Variants in ABHD10 observed in about 807,000 individuals in gnomAD.
ABHD10 encodes abhydrolase domain containing 10, depalmitoylase.
ABHD10 carries 22 observed loss-of-function variants against 33.1 expected under a neutral mutation model. That is an observed-to-expected ratio of 0.66 (90% CI 0.47 to 0.95). ABHD10 has a LOEUF of 0.95. Among genes scored for constraint, ABHD10 ranks in the 40% least tolerant of loss-of-function variants. The pLI is 0.00. For missense variants in ABHD10, 352 were observed against 379.9 expected, an observed-to-expected ratio of 0.93 and a Z score of 0.61; for synonymous variants, 146 against 133.9, an observed-to-expected ratio of 1.09 and a Z score of -0.62.
In ABHD10 at chr3:111,991,549, A is replaced by T; in HGVS notation, c.749A>T (p.Asp250Val). ...AGATTGCTCCATGGCATGAAGGATG[A>T]CATTGTACCTTGGCATACATCAATG... Reference protein sequence around the residue: ...PIRLLHGMKDDIVPWHTSMQV... With the variant: ...PIRLLHGMKDVIVPWHTSMQV... Residue 250 changes from aspartate to valine, a missense_variant, in exon 5 of 5, where the codon GAC becomes GTC. Physicochemically the swap from Asp to Val is radical, Grantham distance 152. Transcript: ENST00000273359. The T allele has an allele frequency of 6.2e-7, 1 of 1,614,158 alleles. No homozygotes were observed. Among genetic ancestry groups the T allele is most frequent in the Non-Finnish European group, 8.5e-7 (1 of 1,180,004 alleles).
At chr3:111,985,768 A>G (rs2072649316) in intron 2 of ABHD10, among the ~76,000 whole-genome samples, 1 of 145,344 alleles carries the variant, frequency 6.9e-6, no homozygotes, top group Admixed American at 6.8e-5. Context: ...AGAAAAGCTG[A>G]TGAGATGGGA....
In ABHD10 at chr3:111,980,986, T is replaced by C; in HGVS notation, c.143-798T>C. ...CAATTTTGCAAGGGCAGACCAAACC[T>C]GTTTCTTCCCTGACCCCCAAGAAAG... On this transcript the variant is annotated intron_variant, in intron 1 of 4. Coordinates refer to ENST00000273359, the MANE Select transcript of ABHD10 (RefSeq NM_018394.4). Among the ~76,000 whole-genome samples the C allele has an allele frequency of 1.3e-5, 2 of 151,950 alleles. 1 individual carries two copies. The highest frequency in any genetic ancestry group is 1.3e-4 in the Admixed American group (2 of 15,246).
Position 111,982,830 on chromosome 3 carries a change from A to G in ABHD10, c.326+863A>G, listed in dbSNP as rs138693137. On this transcript the variant is annotated intron_variant, in intron 2 of 4. Transcript: ENST00000273359. The stretch of plus-strand genomic sequence containing the variant: ...AATTCTAGAAAATACAGCTGTATAT[A>G]AAACTTTCAGACTACCTGTTCAATA... Among the ~76,000 whole-genome samples, 257 of 152,312 alleles carry G rather than the reference A, an allele frequency of 1.7e-3. 1 individual carries two copies. The highest frequency in any genetic ancestry group is 6.0e-3 in the African/African-American group (248 of 41,582).
rs779860005 is a variant in ABHD10, at chr3:111,981,957, G to A, written c.316G>A (p.Ala106Thr). The change falls in exon 2 of 5, where the codon GCC becomes ACC. Residue 106 changes from alanine to threonine, a missense_variant. Transcript: ENST00000273359. ...IEEFCKSLGHACIRFDYSGVG... is the reference protein window; with the variant it reads ...IEEFCKSLGHTCIRFDYSGVG... ...GGAGTTTTGCAAATCTCTAGGTCACGCCTGCATAAGGTAGGAACAACACAT... is the reference window on the plus strand; with the variant it reads ...GGAGTTTTGCAAATCTCTAGGTCACACCTGCATAAGGTAGGAACAACACAT... 1.1e-5 allele frequency: 17 copies of A among 1,551,732 alleles called. No homozygotes were observed. The highest frequency in any genetic ancestry group is 2.5e-5 in the South Asian group (2 of 81,522).
intron 1 of ABHD10, among the ~76,000 whole-genome samples, chr3:111,979,941 G>A (rs888246464): frequency 6.6e-6 from 1 of 152,124 alleles, no homozygotes; most frequent in Non-Finnish European, 1.5e-5. Context: ...AGATTAACTT[G>A]CATTTAATTG....
At chr3:111,987,179 T>C in intron 4 of ABHD10, 128 bp downstream of exon 4, 3 of 961,384 alleles carry the variant, frequency 3.1e-6, no homozygotes, top group Non-Finnish European at 1.5e-6. Context: ...GGCCCAACTT[T>C]TGTCTTAGCT....
intron 4 of ABHD10, 38 bp from the exon 5 acceptor site, chr3:111,991,339 G>A (rs2072736360): frequency 6.4e-7 from 1 of 1,560,748 alleles, no homozygotes; most frequent in East Asian, 2.2e-5. Flanking sequence ...GTTGCCTAAA[G>A]TCACAAATAC....
At chr3:111,984,537 G>T (rs1397437972) in intron 2 of ABHD10, among the ~76,000 whole-genome samples, 2 of 152,118 alleles carry the variant, frequency 1.3e-5, no homozygotes, top group African/African-American at 4.8e-5. Context: ...GTCTAAAGCA[G>T]TAGTATTCCC....
intron 2 of ABHD10, among the ~76,000 whole-genome samples, chr3:111,985,718 A>G (rs773003399): frequency 6.6e-6 from 1 of 152,190 alleles, no homozygotes; most frequent in Non-Finnish European, 1.5e-5. Context: ...GTGTGGGAGC[A>G]ATCTAAATGG....
chr3:111,990,366 CA>C (rs911572768), intron 4 of ABHD10, among the ~76,000 whole-genome samples: 7 of 151,912 alleles, frequency 4.6e-5, no homozygotes, highest in Admixed American at 3.9e-4. Context: ...ACATATTACA[CA>C]AAAACCAAAA....
At chr3:111,982,030 C>G in intron 2 of ABHD10, 63 bp downstream of exon 2, 1 of 1,245,804 alleles carries the variant, frequency 8.0e-7, no homozygotes. Flanking sequence ...AGAATTACTT[C>G]TGTTCTAATC....
chr3:111,979,728 AATTTGGGCTAAAAATCAGAGAACCTCTT>A (rs749575624), intron 1 of ABHD10, among the ~76,000 whole-genome samples: 23 of 152,202 alleles, frequency 1.5e-4, no homozygotes, highest in Non-Finnish European at 3.1e-4. Flanking sequence ...AGGAAACTAG[AATTTGGGCTAAAAATCAGAGAACCTCTT>A]ATATGTATAT....
intron 1 of ABHD10, among the ~76,000 whole-genome samples, chr3:111,980,657 AAT>A (rs1387739914): frequency 6.6e-6 from 1 of 152,198 alleles, no homozygotes; most frequent in East Asian, 1.9e-4. Flanking sequence ...GAAGTAGGAT[AAT>A]CTTATGAAGT....
Position 111,991,865 on chromosome 3 carries a change from A to C in ABHD10, c.*144A>C, listed in dbSNP as rs934237332. On this transcript the variant is annotated 3_prime_UTR_variant, in exon 5 of 5. Coordinates refer to ENST00000273359, the MANE Select transcript of ABHD10 (RefSeq NM_018394.4). ...GAGTATTATTTAATGATGTATTTGC[A>C]TAAGTAATGCAAATTGTGAAGAAGG... The C allele has an allele frequency of 3.2e-6, 2 of 620,468 alleles. No individual in the cohort carries two copies. The highest frequency in any genetic ancestry group is 1.9e-5 in the African/African-American group (1 of 51,468). 38.4% of individuals were successfully genotyped at this position (620,468 alleles called of 1,614,324 possible).
rs150288585 is a variant in ABHD10, at chr3:111,991,599, A to C, written c.799A>C (p.Thr267Pro). 1,641 of 1,614,148 alleles carry C rather than the reference A, an allele frequency of 1.0e-3. 25 individuals carry two copies. The Admixed American group carries it at 0.025, about 25-fold the overall frequency. The change falls in exon 5 of 5, where the codon ACA becomes CCA. Residue 267 changes from threonine to proline, a missense_variant. Transcript: ENST00000273359. ...SMQVADRVLSTDVDVILRKHS... is the reference protein window; with the variant it reads ...SMQVADRVLSPDVDVILRKHS... ...GCAGGTTGCCGATCGAGTACTCAGC[A>C]CAGATGTGGATGTCATCCTCCGAAA...
chr3:111,982,528 C>T (rs933053077), intron 2 of ABHD10, among the ~76,000 whole-genome samples: 1 of 151,926 alleles, frequency 6.6e-6, no homozygotes, highest in African/African-American at 2.4e-5. Flanking sequence ...ATAAGGTCTA[C>T]CTGTAGCAGT....
chr3:111,988,775 C>G (rs536681450), intron 4 of ABHD10, among the ~76,000 whole-genome samples: 2 of 151,878 alleles, frequency 1.3e-5, no homozygotes, highest in East Asian at 3.9e-4. Flanking sequence ...TTTTTTGTAG[C>G]GATGGGGTCT....
intron 4 of ABHD10, among the ~76,000 whole-genome samples, chr3:111,989,565 A>C (rs2072716226): frequency 6.6e-6 from 1 of 152,164 alleles, no homozygotes; most frequent in East Asian, 1.9e-4. Flanking sequence ...TTAATTAGCA[A>C]AGCCTCCACT....
chr3:111,981,058 C>A (rs1439144366), intron 1 of ABHD10, among the ~76,000 whole-genome samples: 1 of 152,020 alleles, frequency 6.6e-6, no homozygotes. Context: ...GTAATTTCAG[C>A]AATGGGAGGC....
Sources: allele counts gnomAD v4.1 joint callset (sites outside exome capture counted in the v4.1 genomes callset), GRCh38; gene constraint gnomAD v4.1.1; transcripts MANE v1.5; gene names NCBI Gene and HGNC (gene_info 2026-07-23, HGNC 2026-07-21).